Variants in DLAT observed in about 807,000 individuals in gnomAD.
DLAT encodes the protein dihydrolipoyllysine-residue acetyltransferase component of pyruvate dehydrogenase complex, mitochondrial.
DLAT carries 43 observed loss-of-function variants against 68.0 expected under a neutral mutation model. The observed-to-expected ratio is 0.63, with a 90% CI of 0.50 to 0.81. The LOEUF is 0.81. Ranked by LOEUF, DLAT falls within the 40% of genes least tolerant of loss-of-function variation. The pLI, the probability that DLAT is intolerant of heterozygous loss-of-function variation, is 0.00. For missense variants in DLAT, 745 were observed against 815.4 expected (o/e 0.91, Z 1.05); for synonymous variants, 265 against 288.6 (o/e 0.92, Z 0.83).
At chr11:112,036,449 G>T (rs587742406) in intron 5 of DLAT, among the ~76,000 whole-genome samples, 2 of 151,774 alleles carry the variant, frequency 1.3e-5, no homozygotes, top group East Asian at 3.9e-4. Flanking sequence ...CCGACCTCAG[G>T]TGATCCACCC....
At chr11:112,062,241 T>C (rs1481908673) in intron 13 of DLAT, among the ~76,000 whole-genome samples, 165 bp from the exon 14 acceptor site, 3 of 152,216 alleles carry the variant, frequency 2.0e-5, no homozygotes, top group Non-Finnish European at 4.4e-5. Context: ...ATCTGGTCTG[T>C]TTCTTCAAGC....
rs150790828 is a variant in DLAT, at chr11:112,039,067, T to C, written c.976-177T>C. 3.5e-3 allele frequency among the ~76,000 whole-genome samples: 528 copies of C among 152,314 alleles called. 9 individuals carry two copies. Among genetic ancestry groups the C allele is most frequent in the Middle Eastern group, 0.024 (7 of 294 alleles). On this transcript the variant is annotated intron_variant, in intron 6 of 13. Transcript: ENST00000280346. The stretch of plus-strand genomic sequence containing the variant: ...AGAAGTATATTGTTCTCGCTGTTCG[T>C]ATTACTACATTATGTTGGTTAAGCT...
At chr11:112,056,480 T>C (rs1555182621) in intron 11 of DLAT, among the ~76,000 whole-genome samples, 4 of 152,198 alleles carry the variant, frequency 2.6e-5, no homozygotes, top group African/African-American at 9.7e-5. Flanking sequence ...CTTAACGAAA[T>C]GTTTTTGAGA....
At chr11:112,042,296 GCT>G (rs782302098) in intron 7 of DLAT, among the ~76,000 whole-genome samples, 3 of 152,198 alleles carry the variant, frequency 2.0e-5, no homozygotes, top group Non-Finnish European at 4.4e-5. Context: ...GGTGGCTGAA[GCT>G]TAGCATAAGG....
intron 2 of DLAT, among the ~76,000 whole-genome samples, chr11:112,027,101 G>C (rs1303208824): frequency 6.6e-6 from 1 of 151,974 alleles, no homozygotes; most frequent in Non-Finnish European, 1.5e-5. Context: ...TCACTTCCCA[G>C]ACGGGGTGGC....
rs782233322 is a variant in DLAT, at chr11:112,045,225, C to T, written c.1285C>T (p.Arg429Cys). The change falls in exon 9 of 14, where the codon CGT (arginine) becomes TGT (cysteine). Residue 429 changes from arginine to cysteine, a missense_variant. Coordinates refer to ENST00000280346, the MANE Select transcript of DLAT (RefSeq NM_001931.5). ...CACAGATATCCCAATCAGCAACATT[C>T]GTCGGGTAAGAGAATTACCATCATC... ...VFTDIPISNI[R>C]RVIAQRLMQS... 3.7e-6 allele frequency: 6 copies of T among 1,613,312 alleles called. No individual in the cohort carries two copies. The highest frequency in any genetic ancestry group is 3.3e-5 in the South Asian group (3 of 91,060).
At position 112,028,887 on chromosome 11, in the gene DLAT, C is replaced by G; in HGVS notation, c.602C>G (p.Ala201Gly). The change falls in exon 4 of 14, where the codon GCT (alanine) becomes GGT (glycine). Residue 201 changes from alanine (A) to glycine (G), a missense_variant. Coordinates refer to ENST00000280346, the MANE Select transcript of DLAT (RefSeq NM_001931.5). ...CCAGCACCAACCCCTGCTGCCACTGCTTCGCCACCTACACCTTCTGCTCAG... is the reference window on the plus strand; with the variant it reads ...CCAGCACCAACCCCTGCTGCCACTGGTTCGCCACCTACACCTTCTGCTCAG... ...AAPAPTPAAT[A>G]SPPTPSAQAP... 1 of 1,614,194 alleles carries G rather than the reference C, an allele frequency of 6.2e-7. No homozygotes were observed. The highest frequency in any genetic ancestry group is 1.1e-5 in the South Asian group (1 of 91,090).
chr11:112,044,168 T>A (rs924507231), intron 8 of DLAT, among the ~76,000 whole-genome samples: 1 of 152,174 alleles, frequency 6.6e-6, no homozygotes, highest in African/African-American at 2.4e-5. Context: ...AAAGTACAGT[T>A]GAATGAGTTG....
chr11:112,046,444 T>G (rs191913737), intron 10 of DLAT, among the ~76,000 whole-genome samples: 14 of 152,090 alleles, frequency 9.2e-5, no homozygotes, highest in African/African-American at 3.1e-4. Flanking sequence ...TTTTTTTTTT[T>G]GTAGATCTTG....
intron 5 of DLAT, among the ~76,000 whole-genome samples, chr11:112,036,099 A>G (rs1862712211): frequency 6.8e-6 from 1 of 147,854 alleles, no homozygotes; most frequent in South Asian, 2.1e-4. Flanking sequence ...CCTTAAACAT[A>G]TATATATATA....
At chr11:112,056,244 A>T (rs1864066743) in intron 11 of DLAT, among the ~76,000 whole-genome samples, 1 of 152,100 alleles carries the variant, frequency 6.6e-6, no homozygotes, top group African/African-American at 2.4e-5. Flanking sequence ...CAATTTCTTG[A>T]TTTTTGTTAA....
rs1221769620 is a variant in DLAT, at chr11:112,051,234, A to C, written c.1399A>C (p.Ile467Leu). The C allele has an allele frequency of 5.6e-6, 9 of 1,594,910 alleles. No individual in the cohort carries two copies. The highest frequency in any genetic ancestry group is 6.9e-6 in the Non-Finnish European group (8 of 1,165,718). ...VLLVRKELNK[I>L]LEGRSKISVN... ...ACTACAGTTCTTCTTGTCTTTCCAG[A>C]TATTAGAAGGGAGAAGCAAAATTTC... Residue 467 changes from isoleucine to leucine, a missense_variant and splice_region_variant, in exon 11 of 14, where the codon ATA becomes CTA. Ile to Leu is a conservative substitution (Grantham distance 5). Transcript: ENST00000280346. The surrounding 1 kb of genome is among the most constrained non-coding windows in gnomAD (Gnocchi z 4.3).
At chr11:112,030,140 A>C (rs1278505530) in intron 4 of DLAT, 4 of 700,192 alleles carry the variant, frequency 5.7e-6, no homozygotes, top group South Asian at 1.3e-5. Context: ...CAAAATCTCC[A>C]CCCTAAATCA....
chr11:112,044,040 A>T (rs781915535), intron 8 of DLAT, among the ~76,000 whole-genome samples: 1 of 152,254 alleles, frequency 6.6e-6, no homozygotes, highest in African/African-American at 2.4e-5. Context: ...TCATTTATAT[A>T]CAAGATCAAA....
intron 5 of DLAT, among the ~76,000 whole-genome samples, chr11:112,036,313 A>G (rs1862773410): frequency 7.1e-6 from 1 of 140,040 alleles, no homozygotes. Flanking sequence ...TCCTGGGTTC[A>G]AGTGATTTTC....
At position 112,043,511 on chromosome 11, in the gene DLAT, T is replaced by C. The variant is rs902486413; in HGVS notation, c.1175T>C (p.Phe392Ser). 2 of 1,614,168 alleles carry C rather than the reference T, an allele frequency of 1.2e-6. No homozygotes were observed. The highest frequency in any genetic ancestry group is 1.7e-6 in the Non-Finnish European group (2 of 1,180,004). Residue 392 changes from phenylalanine (F) to serine (S), a missense_variant, in exon 8 of 14, where the codon TTT becomes TCT. Phe to Ser is a radical substitution (Grantham distance 155). Coordinates refer to ENST00000280346, the MANE Select transcript of DLAT (RefSeq NM_001931.5). ...GRITKKDIDSFVPSKVAPAPA... is the reference protein window; with the variant it reads ...GRITKKDIDSSVPSKVAPAPA... ...ATCACCAAGAAGGATATCGACTCTT[T>C]TGTGCCTAGTAAAGTTGCTCCTGTG...
intron 4 of DLAT, among the ~76,000 whole-genome samples, chr11:112,031,607 ACT>A (rs1179665223): frequency 1.3e-5 from 2 of 148,480 alleles, no homozygotes; most frequent in Admixed American, 1.3e-4. Flanking sequence ...ATAGGGTCTC[ACT>A]CTTCACCTAG....
At chr11:112,028,013 A>C (rs1268327416) in intron 2 of DLAT, among the ~76,000 whole-genome samples, 1 of 152,196 alleles carries the variant, frequency 6.6e-6, no homozygotes, top group Admixed American at 6.5e-5. Context: ...TAATTGACTG[A>C]ACATTGACTT....
At chr11:112,060,778 CTTA>C in intron 12 of DLAT, among the ~76,000 whole-genome samples, 1 of 152,242 alleles carries the variant, frequency 6.6e-6, no homozygotes, top group East Asian at 1.9e-4. Flanking sequence ...CCACGTAACT[CTTA>C]TTGACACACC....
Sources: gnomAD v4.1 joint callset for allele counts (sites outside exome capture counted in the v4.1 genomes callset) on GRCh38, gnomAD v4.1.1 for gene constraint, Gnocchi (gnomAD v3.1) non-coding constraint, MANE v1.5 for transcripts, NCBI Gene and HGNC (gene_info 2026-07-23, HGNC 2026-07-21) for gene names.